Variants in PPP1R3F observed in about 807,000 individuals in gnomAD.
PPP1R3F encodes protein phosphatase 1 regulatory subunit 3F, also known as protein phosphatase 1, regulatory (inhibitor) subunit 3F.
A neutral mutation model predicts 24.2 loss-of-function variants in PPP1R3F; 29 were observed. That is an observed-to-expected ratio of 1.20 (90% CI 0.89 to 1.63). The LOEUF (loss-of-function observed/expected upper bound fraction) is 1.63. Ranked by LOEUF, PPP1R3F falls within the 40% of genes most tolerant of loss-of-function variation. The pLI is 0.00. For synonymous variants in PPP1R3F, 363 were observed against 340.1 expected, an observed-to-expected ratio of 1.07 and a Z score of -0.74; for missense variants, 823 against 729.3, an observed-to-expected ratio of 1.13 and a Z score of -1.48.
At chrX:49,295,171 C>T (rs1557122698) in intron 3 of PPP1R3F, among the ~76,000 whole-genome samples, 1 of 110,823 alleles carries the variant, frequency 9.0e-6, no homozygotes, top group Admixed American at 9.6e-5. Flanking sequence ...TTTTTTGAGA[C>T]AGAGTCTCTC....
rs1473469777 is a variant in PPP1R3F, at chrX:49,270,563, T to G, written c.694T>G (p.Ser232Ala). The part of the protein sequence containing the change: ...LGLGPGQASA[S>A]SPDDGGRTDR... ...CCTGGGTCCCGGCCAGGCATCCGCC[T>G]CCTCGCCCGACGACGGCGGCCGCAC... The change falls in exon 1 of 4, where the codon TCC becomes GCC. Residue 232 changes from serine to alanine, a missense_variant. Physicochemically the swap from Ser to Ala is moderately conservative, Grantham distance 99. Coordinates refer to ENST00000055335, the MANE Select transcript of PPP1R3F (RefSeq NM_033215.5). 4 of 1,202,597 alleles carry G rather than the reference T, an allele frequency of 3.3e-6. No individual in the cohort carries two copies. The highest frequency in any genetic ancestry group is 4.5e-6 in the Non-Finnish European group (4 of 893,754).
intron 3 of PPP1R3F, among the ~76,000 whole-genome samples, chrX:49,300,628 T>C (rs2066335129): frequency 9.1e-6 from 1 of 109,375 alleles, no homozygotes; most frequent in Admixed American, 9.8e-5. Context: ...TAGCTGGAAC[T>C]ATAGGCACAA....
In PPP1R3F at chrX:49,270,852, G is replaced by A; in HGVS notation, c.983G>A (p.Cys328Tyr). Reference protein sequence around the residue: ...VEAEARQLKSCMKPVRRRPAE... With the variant: ...VEAEARQLKSYMKPVRRRPAE... ...GCTGAGGCCAGGCAGCTGAAGAGCTGCATGAAGCCGGTGAGGCGCAGGTAA... is the reference window on the plus strand; with the variant it reads ...GCTGAGGCCAGGCAGCTGAAGAGCTACATGAAGCCGGTGAGGCGCAGGTAA... Residue 328 changes from cysteine to tyrosine, a missense_variant, in exon 1 of 4, where the codon TGC becomes TAC. Cys to Tyr is a radical substitution (Grantham distance 194, BLOSUM62 -2). Transcript: ENST00000055335. 1 of 1,182,851 alleles carries A rather than the reference G, an allele frequency of 8.5e-7. No individual in the cohort carries two copies. The highest frequency in any genetic ancestry group is 2.4e-5 in the Admixed American group (1 of 41,865).
chrX:49,270,675 A>G lies in PPP1R3F; in HGVS notation c.806A>G (p.Glu269Gly), dbSNP rs782270564. 2.5e-6 allele frequency: 3 copies of G among 1,209,491 alleles called. No individual in the cohort carries two copies. The highest frequency in any genetic ancestry group is 3.4e-6 in the Non-Finnish European group (3 of 894,618). The part of the protein sequence containing the change: ...LDFVVRYETP[E>G]GTFWANNHGR... ...TTCGTGGTGCGCTATGAGACCCCTG[A>G]GGGCACTTTCTGGGCCAACAACCAC... The change falls in exon 1 of 4, where the codon GAG (glutamate) becomes GGG (glycine). Residue 269 changes from glutamate to glycine, a missense_variant. By Grantham distance (98) the Glu-to-Gly change is moderately conservative. Transcript: ENST00000055335.
At chrX:49,282,924 C>T (rs2066258718) in intron 3 of PPP1R3F, among the ~76,000 whole-genome samples, 1 of 108,827 alleles carries the variant, frequency 9.2e-6, no homozygotes, top group Admixed American at 9.9e-5. Context: ...AGGGTGGAAA[C>T]AGGCGACTCG....
At chrX:49,279,286 A>G (rs782283031) in intron 1 of PPP1R3F, among the ~76,000 whole-genome samples, 1 of 112,510 alleles carries the variant, frequency 8.9e-6, no homozygotes, top group East Asian at 2.8e-4. Context: ...TCTTTAAAAA[A>G]ATGTGAAGCA....
Position 49,286,827 on chromosome X carries a change from G to A in PPP1R3F, c.2137G>A (p.Glu713Lys), listed in dbSNP as rs200147161. The A allele has an allele frequency of 5.1e-5, 61 of 1,199,288 alleles. No homozygotes were observed. The highest frequency in any genetic ancestry group is 1.7e-5 in the African/African-American group (1 of 57,203). ...CACCCTCCTCAGTCCCTTGGGGGCCGAAGTCTGTCTCTCTAGTGTAGCCAG... is the reference window on the plus strand; with the variant it reads ...CACCCTCCTCAGTCCCTTGGGGGCCAAAGTCTGTCTCTCTAGTGTAGCCAG... ...NPTLLSPLGA[E>K]VCLSSVARPH... The change falls in exon 4 of 4, where the codon GAA (glutamate) becomes AAA (lysine). Residue 713 changes from glutamate (E) to lysine (K), a missense_variant. Glu to Lys is a moderately conservative substitution (Grantham distance 56). Transcript: ENST00000055335.
intron 3 of PPP1R3F, among the ~76,000 whole-genome samples, chrX:49,294,944 GTT>G (rs375519163): frequency 3.2e-5 from 3 of 92,987 alleles, no homozygotes; most frequent in Non-Finnish European, 4.3e-5. Context: ...TAAGCTGTAG[GTT>G]TTTTTTTTTT....
intron 3 of PPP1R3F, among the ~76,000 whole-genome samples, chrX:49,297,828 C>CTTTTTTTTTTTTTT (rs61353822): frequency 1.4e-3 from 27 of 19,615 alleles, no homozygotes; most frequent in East Asian, 2.1e-3. Flanking sequence ...GCAACCCCTG[C>CTTTTTTTTTTTTTT]TTTTTTTTTT....
At chrX:49,300,045 C>A (rs2066333139) in intron 3 of PPP1R3F, among the ~76,000 whole-genome samples, 1 of 111,624 alleles carries the variant, frequency 9.0e-6, no homozygotes, top group African/African-American at 3.3e-5. Flanking sequence ...GCATTCCAGG[C>A]ACCACTGGGG....
chrX:49,274,318 G>A (rs949714223), intron 1 of PPP1R3F: 2 of 111,476 alleles, frequency 1.8e-5, no homozygotes, highest in Admixed American at 1.9e-4. Flanking sequence ...GCCTCACCAT[G>A]GTCTTCAAGC....
At chrX:49,282,086 G>T (rs1569530809) in intron 3 of PPP1R3F, 23 bp downstream of exon 3, 1 of 1,121,409 alleles carries the variant, frequency 8.9e-7, no homozygotes, top group Admixed American at 2.2e-5. Flanking sequence ...TTGCAGCCTT[G>T]GAGTAGACAG....
chrX:49,282,839 G>A (rs1349631188), intron 3 of PPP1R3F, among the ~76,000 whole-genome samples: 3 of 109,560 alleles, frequency 2.7e-5, no homozygotes, highest in Admixed American at 9.8e-5. Flanking sequence ...CATTGTGGAC[G>A]GAGGAGGGAT....
At chrX:49,291,569 C>T (rs1440782873), downstream of PPP1R3F, among the ~76,000 whole-genome samples, 1 of 110,407 alleles carries the variant, frequency 9.1e-6, no homozygotes, top group Non-Finnish European at 1.9e-5. Flanking sequence ...CTCAGGTGAT[C>T]CACCCGCCTC....
At chrX:49,292,664 C>T (rs993875466), downstream of PPP1R3F, among the ~76,000 whole-genome samples, 10 of 112,817 alleles carry the variant, frequency 8.9e-5, no homozygotes, top group Admixed American at 6.5e-4. Flanking sequence ...AGACACGGGC[C>T]GGGAGGATCC....
chrX:49,289,526 A>G (rs782631360), downstream of PPP1R3F, among the ~76,000 whole-genome samples: 10 of 111,999 alleles, frequency 8.9e-5, no homozygotes, highest in Non-Finnish European at 1.3e-4. Context: ...AAAAAGCCAA[A>G]AAAAAGCTTC....
chrX:49,271,230 G>T (rs2066178240), intron 1 of PPP1R3F, among the ~76,000 whole-genome samples: 1 of 111,694 alleles, frequency 9.0e-6, no homozygotes. Flanking sequence ...TAGATTGGGA[G>T]GGAATGACTG....
intron 1 of PPP1R3F, chrX:49,274,795 A>G (rs1230906521): frequency 3.6e-5 from 4 of 111,463 alleles, no homozygotes; most frequent in African/African-American, 6.5e-5. Flanking sequence ...TCCTGCTTCA[A>G]AAAACAAAAC....
At chrX:49,275,101 GCACCTCAT>G (rs2066204743) in intron 1 of PPP1R3F, 1 of 110,850 alleles carries the variant, frequency 9.0e-6, no homozygotes, top group Non-Finnish European at 1.9e-5. Flanking sequence ...CTTCTGGCCA[GCACCTCAT>G]CACCCTCCCC....
Sources: gnomAD v4.1 joint callset for allele counts (sites outside exome capture counted in the v4.1 genomes callset) on GRCh38, gnomAD v4.1.1 for gene constraint, MANE v1.5 for transcripts, NCBI Gene and HGNC (gene_info 2026-07-23, HGNC 2026-07-21) for gene names.